PREX1: variants seen among roughly 807,000 people sequenced by gnomAD.
PREX1 encodes phosphatidylinositol 3,4,5-trisphosphate-dependent Rac exchanger 1 protein.
PREX1 carries 41 observed loss-of-function variants against 198.3 expected under a neutral mutation model. The ratio of observed to expected loss-of-function variants is 0.21; its 90% confidence interval spans 0.16 to 0.27. The LOEUF is 0.27. Among genes scored for constraint, PREX1 ranks in the 10% least tolerant of loss-of-function variants. The probability of loss-of-function intolerance (pLI) is 1.00; values close to 1 mark genes in which losing one functional copy is unlikely to be tolerated. For synonymous variants in PREX1, 843 were observed against 887.2 expected (o/e 0.95, Z 0.89); for missense variants, 1,620 against 2,200.7 (o/e 0.74, Z 5.28).
At chr20:48,693,574 T>C (rs1320373617) in intron 7 of PREX1, among the ~76,000 whole-genome samples, 2 of 152,186 alleles carry the variant, frequency 1.3e-5, no homozygotes, top group Non-Finnish European at 2.9e-5. Flanking sequence ...CTGTACAAAA[T>C]ACATTTCTGT....
chr20:48,864,764 G>A, the PREX1 span, among the ~76,000 whole-genome samples: 4 of 152,176 alleles, frequency 2.6e-5, no homozygotes, highest in Admixed American at 2.0e-4. Flanking sequence ...GTTTTTCATG[G>A]TTCTGAGAAG....
chr20:48,795,151 C>T (rs573817418), intron 1 of PREX1, among the ~76,000 whole-genome samples: 2 of 152,226 alleles, frequency 1.3e-5, no homozygotes, highest in East Asian at 3.9e-4. Context: ...GACAGGGGCT[C>T]GGGTCTGTTC....
rs577347804 is a variant in PREX1, at chr20:48,700,933, C to T, written c.784-47G>A. 3.3e-4 allele frequency: 524 copies of T among 1,610,456 alleles called. 2 individuals carry two copies. In the South Asian group the frequency reaches 5.4e-3, roughly 17 times the overall value. On this transcript the variant is annotated intron_variant, in intron 6 of 39. Coordinates refer to ENST00000371941, the MANE Select transcript of PREX1 (RefSeq NM_020820.4). ...AGTGAATGAGCCAACCCAGGAACAT[C>T]CCCTTCCTTTCCCAGAGACAGAACC...
rs55894031 is a variant in PREX1 at position 48,691,904 on chromosome 20, C to T, written c.1036+768G>A. Among the ~76,000 whole-genome samples, 23,305 of 152,074 alleles carry T rather than the reference C, an allele frequency of 0.15. 2,150 individuals are homozygous for T. The highest frequency in any genetic ancestry group is 0.28 in the Middle Eastern group (82 of 294). ...AAAAATGTAGACCATATTTTCTGGG[C>T]GGGGAGACTAGGTGTCGCTCTGTCA... On this transcript the variant is annotated intron_variant, in intron 8 of 39. Transcript: ENST00000371941. The surrounding 1 kb of genome is among the most constrained non-coding windows in gnomAD (Gnocchi z 5.0).
intron 1 of PREX1, among the ~76,000 whole-genome samples, chr20:48,781,332 GTGAA>G (rs2122923916): frequency 6.6e-6 from 1 of 152,308 alleles, no homozygotes; most frequent in Non-Finnish European, 1.5e-5. Flanking sequence ...GGGAAGCTGG[GTGAA>G]GGATGTACAA....
At chr20:48,885,447 G>A in the PREX1 span, among the ~76,000 whole-genome samples, 1 of 152,222 alleles carries the variant, frequency 6.6e-6, no homozygotes, top group Non-Finnish European at 1.5e-5. Flanking sequence ...CTCATTCATT[G>A]CTAGTAGTAA....
At chr20:48,813,092 C>T (rs1424350307) in intron 1 of PREX1, among the ~76,000 whole-genome samples, 1 of 152,246 alleles carries the variant, frequency 6.6e-6, no homozygotes, top group Non-Finnish European at 1.5e-5. Context: ...TACTCCACCC[C>T]CAACGGCCCA....
At chr20:48,627,490 CA>C in intron 39 of PREX1, 57 bp downstream of exon 39, 1 of 1,586,278 alleles carries the variant, frequency 6.3e-7, no homozygotes, top group Non-Finnish European at 8.7e-7. Context: ...ATGCCAAAGC[CA>C]GGCCTGGGTC....
chr20:48,674,512 A>G (rs1397576786), intron 14 of PREX1, among the ~76,000 whole-genome samples: 2 of 152,234 alleles, frequency 1.3e-5, no homozygotes, highest in South Asian at 2.1e-4. Context: ...TTGGGAGCCA[A>G]TGTGTTCTTT....
Position 48,632,403 on chromosome 20 carries a change from G to A in PREX1, c.4412-12C>T. 1 of 1,613,452 alleles carries A rather than the reference G, an allele frequency of 6.2e-7. No homozygotes were observed. The highest frequency in any genetic ancestry group is 8.5e-7 in the Non-Finnish European group (1 of 1,179,820). ...CACGTTCTCCAGCACTGGGAGGGGA[G>A]ATGTCGGGGGCGGGCAGGCGGTTGG... On this transcript the variant is annotated splice_polypyrimidine_tract_variant and intron_variant, in intron 34 of 39. Coordinates refer to ENST00000371941, the MANE Select transcript of PREX1 (RefSeq NM_020820.4).
At chr20:48,647,762 T>C (rs1279476097) in intron 25 of PREX1, among the ~76,000 whole-genome samples, 1 of 152,146 alleles carries the variant, frequency 6.6e-6, no homozygotes, top group Non-Finnish European at 1.5e-5. Flanking sequence ...ACATTCTTTT[T>C]TTCCCTTATC....
intron 1 of PREX1, among the ~76,000 whole-genome samples, chr20:48,773,989 C>T (rs563659412): frequency 1.3e-5 from 2 of 152,124 alleles, no homozygotes; most frequent in African/African-American, 4.8e-5. Flanking sequence ...ACAGAGCCCA[C>T]GGGATTTTCT....
At chr20:48,718,155 A>G (rs933407165) in intron 5 of PREX1, among the ~76,000 whole-genome samples, 17 of 152,190 alleles carry the variant, frequency 1.1e-4, no homozygotes, top group African/African-American at 4.1e-4. Context: ...CTAGGGTGGT[A>G]GGTCTCTACT....
chr20:48,778,157 A>C (rs1022042848), intron 1 of PREX1, among the ~76,000 whole-genome samples: 2 of 152,238 alleles, frequency 1.3e-5, no homozygotes, highest in Non-Finnish European at 2.9e-5. Context: ...TGCAAAAAAA[A>C]GTCCTACTTT....
chr20:48,786,512 G>A (rs2090312903), intron 1 of PREX1, among the ~76,000 whole-genome samples: 1 of 152,158 alleles, frequency 6.6e-6, no homozygotes, highest in Admixed American at 6.5e-5. Flanking sequence ...GGGAGGCCGA[G>A]GCAGGTGGAT....
intron 1 of PREX1, among the ~76,000 whole-genome samples, chr20:48,818,753 T>C (rs888286506): frequency 1.3e-5 from 2 of 152,256 alleles, no homozygotes; most frequent in African/African-American, 4.8e-5. Context: ...TTTTTAATTA[T>C]GCAAATGAGT....
intron 1 of PREX1, among the ~76,000 whole-genome samples, chr20:48,784,554 G>A (rs1052901583): frequency 6.6e-6 from 1 of 152,084 alleles, no homozygotes; most frequent in Non-Finnish European, 1.5e-5. Flanking sequence ...CCTCATTTTG[G>A]TAACAATTAT....
chr20:48,671,212 T>C (rs1159480669), intron 14 of PREX1, among the ~76,000 whole-genome samples: 1 of 152,166 alleles, frequency 6.6e-6, no homozygotes, highest in Non-Finnish European at 1.5e-5. Flanking sequence ...GAAAAGACCA[T>C]GCAGGGGAAG....
chr20:48,878,633 C>T, the PREX1 span, among the ~76,000 whole-genome samples: 3 of 152,136 alleles, frequency 2.0e-5, no homozygotes, highest in Non-Finnish European at 4.4e-5. Context: ...CCACCGCGCC[C>T]GGCCACATTC....
Sources: allele counts gnomAD v4.1 joint callset (sites outside exome capture counted in the v4.1 genomes callset), GRCh38; gene constraint gnomAD v4.1.1; non-coding constraint Gnocchi (gnomAD v3.1); transcripts MANE v1.5; gene names NCBI Gene and HGNC (gene_info 2026-07-23, HGNC 2026-07-21).